Variants in LRRC37A2 observed in about 807,000 individuals in gnomAD.
The protein encoded by LRRC37A2 is leucine-rich repeat-containing protein 37A2.
A neutral mutation model predicts 68.8 loss-of-function variants in LRRC37A2; 9 were observed. That is an observed-to-expected ratio of 0.13 (90% CI 0.08 to 0.23). The LOEUF is 0.23. Ranked by LOEUF, LRRC37A2 falls within the 10% of genes least tolerant of loss-of-function variation. The pLI is 1.00. For synonymous variants in LRRC37A2, 63 were observed against 367.6 expected, an observed-to-expected ratio of 0.17 and a Z score of 9.48; for missense variants, 168 against 950.4, an observed-to-expected ratio of 0.18 and a Z score of 10.82.
At chr17:46,868,301 C>G in the LRRC37A2 span, among the ~76,000 whole-genome samples, 1 of 152,148 alleles carries the variant, frequency 6.6e-6, no homozygotes, top group African/African-American at 2.4e-5. Flanking sequence ...CATTAAGACC[C>G]CCATATTTGG....
chr17:46,718,301 G>A, the LRRC37A2 span, among the ~76,000 whole-genome samples: 8 of 152,176 alleles, frequency 5.3e-5, no homozygotes, highest in African/African-American at 7.2e-5. Context: ...TGGCCATGCC[G>A]GGCCAGCCCC....
chr17:46,845,625 G>A, the LRRC37A2 span, among the ~76,000 whole-genome samples: 8 of 151,206 alleles, frequency 5.3e-5, no homozygotes, highest in Non-Finnish European at 8.8e-5. Context: ...GAGTAGCTGG[G>A]GACTACAGGT....
At chr17:46,503,191 G>A in the LRRC37A2 span, among the ~76,000 whole-genome samples, 1 of 128,662 alleles carries the variant, frequency 7.8e-6, no homozygotes, top group African/African-American at 3.1e-5. Context: ...CAGCCTGGGC[G>A]ACAGAGGGAG....
the LRRC37A2 span, among the ~76,000 whole-genome samples, chr17:46,463,815 G>T: frequency 1.1e-5 from 1 of 90,098 alleles, no homozygotes; most frequent in East Asian, 2.6e-4. Context: ...ATGAATAATA[G>T]ATTTACATAG....
the LRRC37A2 span, chr17:46,940,871 T>C: frequency 1.4e-6 from 2 of 1,416,216 alleles, no homozygotes; most frequent in South Asian, 1.5e-5. Flanking sequence ...TGAGACTGCA[T>C]GTTGTCACAT....
chr17:46,853,044 G>A, the LRRC37A2 span, among the ~76,000 whole-genome samples: 93 of 152,270 alleles, frequency 6.1e-4, no homozygotes, highest in African/African-American at 2.2e-3. Context: ...GGTTGAACTT[G>A]ATATGACTGA....
the LRRC37A2 span, among the ~76,000 whole-genome samples, chr17:46,878,224 C>T: frequency 2.0e-5 from 3 of 152,236 alleles, no homozygotes; most frequent in Non-Finnish European, 4.4e-5. Context: ...GGCCCTGCCA[C>T]GCCCATCTGT....
the LRRC37A2 span, among the ~76,000 whole-genome samples, chr17:46,707,342 C>G: frequency 6.6e-6 from 1 of 152,122 alleles, no homozygotes; most frequent in African/African-American, 2.4e-5. Context: ...GATACAAGTT[C>G]TTTATATACT....
At chr17:47,033,365 A>G in the LRRC37A2 span, 1 of 698,622 alleles carries the variant, frequency 1.4e-6, no homozygotes, top group Non-Finnish European at 2.6e-6. Flanking sequence ...GTGTGGGGAG[A>G]TGTGTGGCTC....
chr17:46,930,667 TAA>T, the LRRC37A2 span: 95,557 of 146,694 alleles, frequency 0.65, 30,995 homozygotes, highest in Middle Eastern at 0.72. Context: ...TTTTTTTAAA[TAA>T]AAAAAAAAAA....
the LRRC37A2 span, among the ~76,000 whole-genome samples, chr17:46,882,983 C>T: frequency 6.6e-6 from 1 of 151,826 alleles, no homozygotes. Context: ...ACCATGATCC[C>T]CATTTTTTTT....
the LRRC37A2 span, among the ~76,000 whole-genome samples, chr17:46,985,516 T>A: frequency 8.1e-6 from 1 of 122,756 alleles, no homozygotes. Context: ...TGAGATTCCA[T>A]CTCAAAAAAA....
chr17:47,033,264 GA>G, the LRRC37A2 span: 1 of 524,430 alleles, frequency 1.9e-6, no homozygotes, highest in Non-Finnish European at 3.4e-6. Flanking sequence ...AGAAAGAAAA[GA>G]AAAAAGGCTC....
At chr17:46,784,837 G>A in the LRRC37A2 span, among the ~76,000 whole-genome samples, 42 of 149,684 alleles carry the variant, frequency 2.8e-4, no homozygotes, top group Middle Eastern at 6.8e-3. Context: ...GTGCAGTGGC[G>A]CGATCTCGGG....
the LRRC37A2 span, among the ~76,000 whole-genome samples, chr17:46,870,845 A>G: frequency 7.6e-4 from 115 of 150,674 alleles, no homozygotes; most frequent in Non-Finnish European, 1.4e-3. Context: ...CATGAGCAAC[A>G]GTGGCAAGTG....
the LRRC37A2 span, among the ~76,000 whole-genome samples, chr17:47,002,946 G>C: frequency 6.6e-6 from 1 of 151,958 alleles, no homozygotes; most frequent in African/African-American, 2.4e-5. Context: ...ACTCAAAGAC[G>C]AGTTCTGTAT....
Position 46,534,707 on chromosome 17 carries a change from T to G in LRRC37A2, c.2907-5469T>G, listed in dbSNP as rs2054326206. Among the ~76,000 whole-genome samples the G allele has an allele frequency of 2.0e-5, 3 of 150,090 alleles. No individual in the cohort carries two copies. The South Asian group carries it at 6.3e-4, about 31-fold the overall frequency. On this transcript the variant is annotated intron_variant, in intron 6 of 14. Transcript: ENST00000576629. The stretch of plus-strand genomic sequence containing the variant: ...TCATGGCCCGTTCTCAATGAGCTGT[T>G]GGGTACACCTCCCAGACGGGGTGGC...
chr17:46,602,155 AACAGAACGAG>A, the LRRC37A2 span, among the ~76,000 whole-genome samples: 1 of 126,476 alleles, frequency 7.9e-6, no homozygotes, highest in Non-Finnish European at 1.6e-5. Flanking sequence ...CAGCCTGGGC[AACAGAACGAG>A]ACAGTTTTTT....
chr17:46,831,595 G>A, the LRRC37A2 span: 52 of 152,866 alleles, frequency 3.4e-4, no homozygotes, highest in Admixed American at 8.5e-4. Context: ...CCAGAGTGGC[G>A]GGGTCAAGTT....
Sources: allele counts gnomAD v4.1 joint callset (sites outside exome capture counted in the v4.1 genomes callset), GRCh38; gene constraint gnomAD v4.1.1; transcripts MANE v1.5; gene names NCBI Gene and HGNC (gene_info 2026-07-23, HGNC 2026-07-21).